LSAMP: variants seen among roughly 807,000 people sequenced by gnomAD.
LSAMP encodes limbic system associated membrane protein.
Under a neutral mutation model 38.6 loss-of-function variants are expected in LSAMP, and 7 were observed. The ratio of observed to expected loss-of-function variants is 0.18; its 90% CI spans 0.10 to 0.34. The LOEUF is 0.34. LSAMP is among the 10% of genes least tolerant of loss of function. LSAMP has a pLI of 1.00. For missense variants in LSAMP, 313 were observed against 420.0 expected (o/e 0.75, Z 2.23); for synonymous variants, 154 against 166.8 (o/e 0.92, Z 0.59).
chr3:115,884,004 A>T (rs913842159), intron 3 of LSAMP, among the ~76,000 whole-genome samples: 1 of 152,084 alleles, frequency 6.6e-6, no homozygotes, highest in African/African-American at 2.4e-5. Flanking sequence ...TATAATTAAG[A>T]TTCTGCAAAA....
intron 3 of LSAMP, among the ~76,000 whole-genome samples, chr3:115,963,926 T>C (rs547424437): frequency 9.2e-5 from 14 of 152,256 alleles, no homozygotes; most frequent in Middle Eastern, 3.4e-3. Flanking sequence ...GCTATTTTTT[T>C]ATTTTTTGTA....
At chr3:116,013,290 C>G (rs556199778) in intron 3 of LSAMP, among the ~76,000 whole-genome samples, 1 of 152,292 alleles carries the variant, frequency 6.6e-6, no homozygotes, top group African/African-American at 2.4e-5. Flanking sequence ...CTGTGAGCAT[C>G]TCCAGGATTT....
chr3:116,424,090 C>T (rs1378722851), intron 1 of LSAMP, among the ~76,000 whole-genome samples: 2 of 152,152 alleles, frequency 1.3e-5, no homozygotes, highest in African/African-American at 4.8e-5. Context: ...CACTCATGTC[C>T]TGTGGCCCTT....
intron 3 of LSAMP, among the ~76,000 whole-genome samples, chr3:115,999,163 C>G (rs1939913360): frequency 6.6e-6 from 1 of 152,146 alleles, no homozygotes; most frequent in African/African-American, 2.4e-5. Flanking sequence ...GCTTTGAGAT[C>G]AGCCTTTGCA....
intron 1 of LSAMP, among the ~76,000 whole-genome samples, chr3:116,389,789 T>C (rs1262926028): frequency 6.6e-6 from 1 of 152,168 alleles, no homozygotes; most frequent in South Asian, 2.1e-4. Flanking sequence ...CTAGAACATA[T>C]TGACATCAAT....
chr3:116,098,255 T>C (rs1182502843), intron 1 of LSAMP, among the ~76,000 whole-genome samples: 2 of 151,746 alleles, frequency 1.3e-5, no homozygotes, highest in African/African-American at 4.8e-5. Flanking sequence ...TCCCAGCACT[T>C]TGGGAGGCCG....
chr3:116,388,576 C>T (rs2048654367), intron 1 of LSAMP, among the ~76,000 whole-genome samples: 2 of 152,136 alleles, frequency 1.3e-5, no homozygotes. Flanking sequence ...AGATAGAATA[C>T]ACGCTGCATC....
chr3:116,239,261 AAC>A (rs1220595251), intron 1 of LSAMP, among the ~76,000 whole-genome samples: 1 of 152,176 alleles, frequency 6.6e-6, no homozygotes, highest in African/African-American at 2.4e-5. Flanking sequence ...GTCAAGTAGG[AAC>A]ACACAGCCAT....
intron 1 of LSAMP, among the ~76,000 whole-genome samples, chr3:116,391,710 G>T (rs532882130): frequency 3.3e-5 from 5 of 152,198 alleles, no homozygotes; most frequent in Non-Finnish European, 7.3e-5. Flanking sequence ...GCAGCAGACC[G>T]TCTGGAGCGG....
intron 1 of LSAMP, among the ~76,000 whole-genome samples, chr3:116,274,954 C>CAAA (rs10662824): frequency 0.051 from 6,896 of 136,168 alleles, 229 homozygotes; most frequent in East Asian, 0.094. Context: ...TAAAAATAGC[C>CAAA]AAAAAAAAAA....
chr3:115,971,326 T>C (rs376697480), intron 3 of LSAMP, among the ~76,000 whole-genome samples: 4 of 152,356 alleles, frequency 2.6e-5, no homozygotes, highest in African/African-American at 7.2e-5. Flanking sequence ...AACAAGATTA[T>C]GTATTTATGA....
chr3:115,983,282 G>A (rs1939416223), intron 3 of LSAMP, among the ~76,000 whole-genome samples: 1 of 152,126 alleles, frequency 6.6e-6, no homozygotes, highest in Non-Finnish European at 1.5e-5. Flanking sequence ...TTGGGAGACT[G>A]AGCAGGGAGG....
intron 1 of LSAMP, among the ~76,000 whole-genome samples, chr3:116,160,469 G>A (rs905470567): frequency 1.3e-5 from 2 of 150,794 alleles, no homozygotes; most frequent in Non-Finnish European, 3.0e-5. Context: ...GAAAAGAAGA[G>A]AAAAGAGGAG....
chr3:115,871,980 A>G (rs750732196), intron 3 of LSAMP, among the ~76,000 whole-genome samples: 19 of 152,268 alleles, frequency 1.2e-4, no homozygotes, highest in Admixed American at 2.6e-4. Context: ...TTCAGCTGGT[A>G]TAGTTAAGAG....
At chr3:116,218,756 T>C (rs1324945998) in intron 1 of LSAMP, among the ~76,000 whole-genome samples, 1 of 152,190 alleles carries the variant, frequency 6.6e-6, no homozygotes, top group East Asian at 1.9e-4. Context: ...CTCCTGATCC[T>C]TCCACCTCAG....
chr3:116,237,954 C>T (rs552400647), intron 1 of LSAMP, among the ~76,000 whole-genome samples: 4 of 152,190 alleles, frequency 2.6e-5, no homozygotes, highest in South Asian at 4.1e-4. Flanking sequence ...TTCTTTATTG[C>T]GAAGGACAGT....
intron 3 of LSAMP, among the ~76,000 whole-genome samples, chr3:115,968,819 G>A (rs112229960): frequency 0.025 from 3,767 of 152,238 alleles, 145 homozygotes; most frequent in African/African-American, 0.083. Flanking sequence ...GTTTATTTAG[G>A]ACCTCAGAGT....
chr3:116,071,036 A>G (rs1452223999), intron 2 of LSAMP, among the ~76,000 whole-genome samples: 4 of 148,522 alleles, frequency 2.7e-5, no homozygotes, highest in Non-Finnish European at 4.4e-5. Context: ...ATGAAACTCC[A>G]TCTCAAAATA....
rs201891686 is a variant in LSAMP at position 116,394,930 on chromosome 3, G to A, written c.155+49947C>T. On this transcript the variant is annotated intron_variant, in intron 1 of 6. Coordinates refer to ENST00000490035, the MANE Select transcript of LSAMP (RefSeq NM_002338.5). ...TGTAGACTGACGATGATTTAGCAAA[G>A]AGATTTCAAATCCACTTATTTTTAA... Among the ~76,000 whole-genome samples the A allele has an allele frequency of 2.4e-4, 36 of 152,240 alleles. No homozygotes were observed. The East Asian group carries it at 4.6e-3, about 20-fold the overall frequency.
Sources: allele counts gnomAD v4.1 joint callset (sites outside exome capture counted in the v4.1 genomes callset), GRCh38; gene constraint gnomAD v4.1.1; transcripts MANE v1.5; gene names NCBI Gene and HGNC (gene_info 2026-07-23, HGNC 2026-07-21).